ROBO1: variants seen among roughly 807,000 people sequenced by gnomAD.
ROBO1 encodes the protein roundabout guidance receptor 1.
A neutral mutation model predicts 195.9 loss-of-function variants in ROBO1; 149 were observed. The ratio of observed to expected loss-of-function variants is 0.76; its 90% CI spans 0.67 to 0.87. The LOEUF is 0.87. ROBO1 is among the 40% of genes least tolerant of loss of function. ROBO1 has a pLI of 0.00. For missense variants in ROBO1, 1,933 were observed against 2,068.3 expected, an observed-to-expected ratio of 0.93 and a Z score of 1.27; for synonymous variants, 816 against 733.2, an observed-to-expected ratio of 1.11 and a Z score of -1.82.
intron 2 of ROBO1, among the ~76,000 whole-genome samples, chr3:79,462,593 T>A (rs1937709373): frequency 6.6e-6 from 1 of 152,176 alleles, no homozygotes; most frequent in Non-Finnish European, 1.5e-5. Flanking sequence ...TACTAGACAA[T>A]GAAGCACTTT....
chr3:79,515,951 T>C (rs920969162), intron 2 of ROBO1, among the ~76,000 whole-genome samples: 7 of 152,150 alleles, frequency 4.6e-5, no homozygotes, highest in African/African-American at 1.4e-4. Context: ...TACTGGGTCA[T>C]ATATACTGTG....
At chr3:79,294,006 C>G (rs1371785841) in intron 2 of ROBO1, among the ~76,000 whole-genome samples, 2 of 122,474 alleles carry the variant, frequency 1.6e-5, no homozygotes, top group Admixed American at 1.0e-4. Context: ...TGCAGTGAGC[C>G]GAGATCGCGC....
Position 79,168,630 on chromosome 3 carries a change from C to T in ROBO1, c.89-43091G>A, listed in dbSNP as rs1252456049. On this transcript the variant is annotated intron_variant, in intron 2 of 30. Transcript: ENST00000464233. ...CTCTCTAATGTTTGGAGGTTAAAGT[C>T]ATGTTTTCTGTGTCCCAAACTCTTC... is the stretch of plus-strand genomic sequence containing the variant. Among the ~76,000 whole-genome samples the T allele has an allele frequency of 5.3e-5, 8 of 152,144 alleles. No homozygotes were observed. In the East Asian group the frequency reaches 7.7e-4, roughly 15 times the overall value.
chr3:78,835,217 C>G lies in ROBO1; in HGVS notation c.500-88317G>C, dbSNP rs539143778. The stretch of plus-strand genomic sequence containing the variant: ...ATATTTTTTCTTCTGTGAGTAATGT[C>G]ATTACAAATTATGTATTTAATAATA... On this transcript the variant is annotated intron_variant, in intron 4 of 30. Transcript: ENST00000464233. Among the ~76,000 whole-genome samples, 8 of 152,222 alleles carry G rather than the reference C, an allele frequency of 5.3e-5. No individual in the cohort carries two copies. In the East Asian group the frequency reaches 9.6e-4, roughly 18 times the overall value.
rs187003098 is a variant in ROBO1 at position 79,329,245 on chromosome 3, C to T, written c.89-203706G>A. Among the ~76,000 whole-genome samples, 331 of 152,234 alleles carry T rather than the reference C, an allele frequency of 2.2e-3. 3 individuals are homozygous for T. The highest frequency in any genetic ancestry group is 3.5e-3 in the Non-Finnish European group (241 of 68,010). On this transcript the variant is annotated intron_variant, in intron 2 of 30. Coordinates refer to ENST00000464233, the MANE Select transcript of ROBO1 (RefSeq NM_002941.4). ...TCTTGAAAAAAATTCAGAGAGTTAG[C>T]CTTCCTACTCTAAAGCTTTACTAAT...
intron 2 of ROBO1, among the ~76,000 whole-genome samples, chr3:79,221,155 G>A (rs2082130468): frequency 6.6e-6 from 1 of 152,000 alleles, no homozygotes; most frequent in African/African-American, 2.4e-5. Flanking sequence ...TGGAAGGCAG[G>A]CTTTCTTTTT....
intron 4 of ROBO1, among the ~76,000 whole-genome samples, chr3:78,771,323 G>A (rs2083369882): frequency 6.6e-6 from 1 of 152,124 alleles, no homozygotes; most frequent in African/African-American, 2.4e-5. Flanking sequence ...TTGAAGTCAG[G>A]TAATATGATG....
intron 2 of ROBO1, among the ~76,000 whole-genome samples, chr3:79,232,917 T>C (rs1385197139): frequency 1.3e-5 from 2 of 152,180 alleles, no homozygotes; most frequent in Admixed American, 1.3e-4. Context: ...TAGACTTCAG[T>C]AGAGCATTGA....
chr3:79,204,098 T>C (rs899790327), intron 2 of ROBO1, among the ~76,000 whole-genome samples: 4 of 152,214 alleles, frequency 2.6e-5, no homozygotes, highest in Non-Finnish European at 4.4e-5. Context: ...TTATGTACGA[T>C]AGTTGTACAT....
chr3:79,619,522 C>A (rs1223126880), intron 1 of ROBO1, among the ~76,000 whole-genome samples: 1 of 152,028 alleles, frequency 6.6e-6, no homozygotes, highest in Non-Finnish European at 1.5e-5. Context: ...ATCTAGATAA[C>A]CCTTCTATTA....
chr3:79,100,301 C>A (rs959421962), intron 3 of ROBO1, among the ~76,000 whole-genome samples: 1 of 151,814 alleles, frequency 6.6e-6, no homozygotes, highest in African/African-American at 2.4e-5. Context: ...ATAGTTATTT[C>A]TCTCTTTCAT....
At chr3:78,833,972 G>A (rs1239045161) in intron 4 of ROBO1, among the ~76,000 whole-genome samples, 2 of 152,172 alleles carry the variant, frequency 1.3e-5, no homozygotes, top group Non-Finnish European at 2.9e-5. Context: ...GGGATAAGCA[G>A]AGAGAAGGGG....
intron 2 of ROBO1, among the ~76,000 whole-genome samples, chr3:79,378,366 C>T (rs894626853): frequency 2.0e-5 from 3 of 152,058 alleles, no homozygotes; most frequent in Non-Finnish European, 1.5e-5. Context: ...GCCTCCAGCA[C>T]GTTTGCCTTC....
intron 2 of ROBO1, among the ~76,000 whole-genome samples, chr3:79,301,359 T>G (rs1486365938): frequency 6.6e-6 from 1 of 152,204 alleles, no homozygotes; most frequent in Non-Finnish European, 1.5e-5. Context: ...TACTGTGAAA[T>G]GTGACTGAGT....
In ROBO1 at chr3:78,602,477, G is replaced by A. The variant is rs527743676; in HGVS notation, c.4745-2168C>T. ...TCTTTTATAAATTACCCAGTCTCAG[G>A]TTTTTCTTTATAGAAATGCAAGAAT... is the stretch of plus-strand genomic sequence containing the variant. On this transcript the variant is annotated intron_variant, in intron 29 of 30. Transcript: ENST00000464233. 3.3e-5 allele frequency among the ~76,000 whole-genome samples: 5 copies of A among 152,102 alleles called. No individual in the cohort carries two copies. In the East Asian group the frequency reaches 9.7e-4, roughly 29 times the overall value.
At chr3:79,698,467 GATAA>G (rs1258189342) in intron 1 of ROBO1, among the ~76,000 whole-genome samples, 2 of 151,318 alleles carry the variant, frequency 1.3e-5, no homozygotes, top group Non-Finnish European at 3.0e-5. Flanking sequence ...TCCACATATA[GATAA>G]ATATATATGA....
chr3:78,727,190 T>C (rs537527343), intron 5 of ROBO1, among the ~76,000 whole-genome samples: 21 of 152,166 alleles, frequency 1.4e-4, no homozygotes, highest in African/African-American at 4.8e-4. Flanking sequence ...AAAAGTATCA[T>C]AGTAACATAA....
At chr3:78,636,949 A>ATATATATATATT (rs1705548719) in intron 22 of ROBO1, among the ~76,000 whole-genome samples, 1 of 108,238 alleles carries the variant, frequency 9.2e-6, no homozygotes, top group African/African-American at 4.2e-5. Context: ...ATATATATAT[A>ATATATATATATT]TATATATATA....
At chr3:78,966,157 TGAGATTG>T in intron 3 of ROBO1, among the ~76,000 whole-genome samples, 1 of 152,306 alleles carries the variant, frequency 6.6e-6, no homozygotes, top group East Asian at 1.9e-4. Flanking sequence ...CCTGATGATC[TGAGATTG>T]GAGGTGGAAT....
Sources: gnomAD v4.1 joint callset for allele counts (sites outside exome capture counted in the v4.1 genomes callset) on GRCh38, gnomAD v4.1.1 for gene constraint, MANE v1.5 for transcripts, NCBI Gene and HGNC (gene_info 2026-07-23, HGNC 2026-07-21) for gene names.